The following NSD3 variants were observed in gnomAD, a reference collection of about 807,000 sequenced individuals.
NSD3 encodes nuclear receptor binding SET domain protein 3.
In NSD3, 24 loss-of-function variants were observed where a neutral mutation model predicts 160.8. The ratio of observed to expected loss-of-function variants is 0.15; its 90% confidence interval spans 0.11 to 0.21. NSD3 has a LOEUF of 0.21. Ranked by LOEUF, NSD3 falls within the 10% of genes least tolerant of loss-of-function variation. The pLI is 1.00. For synonymous variants in NSD3, 520 were observed against 600.0 expected, an observed-to-expected ratio of 0.87 and a Z score of 1.95; for missense variants, 1,157 against 1,735.9, an observed-to-expected ratio of 0.67 and a Z score of 5.93.
chr8:38,329,657 A>G lies in NSD3; in HGVS notation c.1302T>C (p.Asn434=). The change falls in exon 6 of 24, where the codon AAT becomes AAC. Residue 434 remains asparagine, a synonymous_variant. Coordinates refer to ENST00000317025, the MANE Select transcript of NSD3 (RefSeq NM_023034.2). This position sits in a 1 kb window ranked among gnomAD's most constrained non-coding sequence, Gnocchi z 4.8. ...SVLNTQPEQT[N]AGEVASSLSS... is the part of the protein sequence containing the mutation. Reference sequence around the variant, plus strand: ...AGAGTGAGGAGGCCACCTCCCCTGCATTGGTCTGTTCTGGCTGAGTATTCA... The same window carrying G: ...AGAGTGAGGAGGCCACCTCCCCTGCGTTGGTCTGTTCTGGCTGAGTATTCA... 2 of 1,614,136 alleles carry G rather than the reference A, an allele frequency of 1.2e-6. No homozygotes were observed. The highest frequency in any genetic ancestry group is 1.7e-6 in the Non-Finnish European group (2 of 1,180,038).
intron 1 of NSD3, among the ~76,000 whole-genome samples, chr8:38,376,659 A>C (rs1275211764): frequency 2.6e-5 from 4 of 151,534 alleles, no homozygotes; most frequent in African/African-American, 9.7e-5. Flanking sequence ...TTGGTCTTGA[A>C]CTCCTGACCT....
chr8:38,379,510 T>A (rs1811485539), intron 1 of NSD3, among the ~76,000 whole-genome samples: 1 of 152,138 alleles, frequency 6.6e-6, no homozygotes, highest in Non-Finnish European at 1.5e-5. Flanking sequence ...AATGCAACTG[T>A]TCCTCACAGA....
At chr8:38,344,990 T>C (rs1337256645) in intron 2 of NSD3, among the ~76,000 whole-genome samples, 1 of 152,164 alleles carries the variant, frequency 6.6e-6, no homozygotes, top group Non-Finnish European at 1.5e-5. Flanking sequence ...ATATATGCAG[T>C]TGTGAAACAT....
intron 1 of NSD3, among the ~76,000 whole-genome samples, chr8:38,361,592 A>G (rs1457891082): frequency 6.6e-6 from 1 of 151,564 alleles, no homozygotes; most frequent in African/African-American, 2.4e-5. Context: ...CGTCTCTACT[A>G]AAAATACAAA....
intron 1 of NSD3, among the ~76,000 whole-genome samples, chr8:38,351,393 C>T (rs1376298606): frequency 1.3e-5 from 2 of 151,168 alleles, no homozygotes; most frequent in Admixed American, 6.6e-5. Context: ...GGCCGGGCGC[C>T]GTGGCTCACA....
At chr8:38,284,962 C>T (rs1183550761) in intron 19 of NSD3, among the ~76,000 whole-genome samples, 1 of 152,168 alleles carries the variant, frequency 6.6e-6, no homozygotes, top group Non-Finnish European at 1.5e-5. Flanking sequence ...TTCAGATGTC[C>T]TGAGACAGAT....
intron 14 of NSD3, chr8:38,299,840 T>C (rs1809239978): frequency 3.0e-6 from 1 of 331,690 alleles, no homozygotes; most frequent in Non-Finnish European, 5.4e-6. Flanking sequence ...CTTCAAATAA[T>C]TTGAAGATAT....
chr8:38,359,150 T>A (rs1563367569), intron 1 of NSD3, among the ~76,000 whole-genome samples: 1 of 152,180 alleles, frequency 6.6e-6, no homozygotes, highest in Non-Finnish European at 1.5e-5. Flanking sequence ...GTATTGCCCA[T>A]TTAGGTTTTC....
At chr8:38,361,754 CAAAAAAA>C (rs756700150) in intron 1 of NSD3, among the ~76,000 whole-genome samples, 4 of 31,170 alleles carry the variant, frequency 1.3e-4, no homozygotes, top group South Asian at 2.6e-3. Flanking sequence ...GACTCCGTCT[CAAAAAAA>C]AAAAAAAAAA....
At chr8:38,311,028 G>C (rs1214658904) in intron 12 of NSD3, among the ~76,000 whole-genome samples, 1 of 148,802 alleles carries the variant, frequency 6.7e-6, no homozygotes, top group African/African-American at 2.5e-5. Context: ...ATTCTAATGG[G>C]TATCAAGTGG....
chr8:38,336,235 A>G (rs1367185941), intron 4 of NSD3: 1 of 152,262 alleles, frequency 6.6e-6, no homozygotes, highest in Non-Finnish European at 1.5e-5. Context: ...ACAAGAGTCA[A>G]TTCACAAAGT....
intron 20 of NSD3, among the ~76,000 whole-genome samples, chr8:38,281,258 GT>G (rs1167065343): frequency 6.6e-6 from 1 of 152,118 alleles, no homozygotes; most frequent in African/African-American, 2.4e-5. Flanking sequence ...TCACAGTGCT[GT>G]CTTACATGAC....
At chr8:38,294,578 G>A (rs1180720680) in intron 16 of NSD3, among the ~76,000 whole-genome samples, 2 of 152,006 alleles carry the variant, frequency 1.3e-5, no homozygotes, top group Non-Finnish European at 2.9e-5. Flanking sequence ...ATGGTTTAGG[G>A]CTAAAATGGA....
At chr8:38,299,177 T>C (rs1008375156) in intron 15 of NSD3, among the ~76,000 whole-genome samples, 1 of 152,222 alleles carries the variant, frequency 6.6e-6, no homozygotes, top group South Asian at 2.1e-4. Context: ...ACCAAAATCC[T>C]AGTCTTCCTA....
intron 1 of NSD3, among the ~76,000 whole-genome samples, chr8:38,379,389 T>A (rs758074323): frequency 8.5e-5 from 13 of 152,162 alleles, no homozygotes; most frequent in Admixed American, 3.9e-4. Context: ...TGATAGCTCA[T>A]GCACACAATT....
At chr8:38,301,668 TAAG>T (rs1040463275) in intron 14 of NSD3, among the ~76,000 whole-genome samples, 6 of 152,186 alleles carry the variant, frequency 3.9e-5, no homozygotes, top group Non-Finnish European at 8.8e-5. Flanking sequence ...GGCTTTGAAA[TAAG>T]AAGGATTAAG....
At chr8:38,276,151 A>C (rs1262008660) in intron 23 of NSD3, 145 bp downstream of exon 23, 1 of 956,816 alleles carries the variant, frequency 1.0e-6, no homozygotes, top group African/African-American at 1.7e-5. Flanking sequence ...CCAAATGTGT[A>C]AGGGGAAAGA....
chr8:38,313,170 C>T (rs1809573414), intron 12 of NSD3, among the ~76,000 whole-genome samples: 1 of 152,050 alleles, frequency 6.6e-6, no homozygotes, highest in South Asian at 2.1e-4. Context: ...TTCTAAACAG[C>T]TTCCATAGCT....
chr8:38,362,963 A>C (rs1271583450), intron 1 of NSD3, among the ~76,000 whole-genome samples: 1 of 152,224 alleles, frequency 6.6e-6, no homozygotes, highest in Non-Finnish European at 1.5e-5. Context: ...GAATGTCACG[A>C]GATATTTAGG....
Sources: gnomAD v4.1 joint callset for allele counts (sites outside exome capture counted in the v4.1 genomes callset) on GRCh38, gnomAD v4.1.1 for gene constraint, Gnocchi (gnomAD v3.1) non-coding constraint, MANE v1.5 for transcripts, NCBI Gene and HGNC (gene_info 2026-07-23, HGNC 2026-07-21) for gene names.